KCNIP4: variants seen among roughly 807,000 people sequenced by gnomAD.
The protein encoded by KCNIP4 is Kv channel-interacting protein 4.
Under a neutral mutation model 34.0 loss-of-function variants are expected in KCNIP4, and 12 were observed. That is an observed-to-expected ratio of 0.35 (90% CI 0.23 to 0.57). KCNIP4 has a LOEUF of 0.57. Ranked by LOEUF, KCNIP4 falls within the 20% of genes least tolerant of loss-of-function variation. The probability of loss-of-function intolerance (pLI) is 0.83; values close to 1 mark genes in which losing one functional copy is unlikely to be tolerated. For missense variants in KCNIP4, 238 were observed against 311.7 expected, an observed-to-expected ratio of 0.76 and a Z score of 1.78; for synonymous variants, 124 against 102.2, an observed-to-expected ratio of 1.21 and a Z score of -1.29.
intron 1 of KCNIP4, among the ~76,000 whole-genome samples, chr4:21,571,890 T>C (rs1179798706): frequency 6.6e-6 from 1 of 152,200 alleles, no homozygotes; most frequent in Non-Finnish European, 1.5e-5. Context: ...TTTGCTTACA[T>C]TAATACCCCA....
chr4:21,193,624 T>G (rs1340353020), intron 1 of KCNIP4, among the ~76,000 whole-genome samples: 1 of 146,442 alleles, frequency 6.8e-6, no homozygotes, highest in Admixed American at 6.9e-5. Context: ...CAGGCTGGAG[T>G]GCAGTGGCGC....
chr4:21,367,256 C>T (rs1425922375), intron 1 of KCNIP4, among the ~76,000 whole-genome samples: 1 of 152,140 alleles, frequency 6.6e-6, no homozygotes, highest in Non-Finnish European at 1.5e-5. Flanking sequence ...AAGACAAAAT[C>T]TTACTTTACC....
At chr4:21,763,163 A>T in intron 1 of KCNIP4, 2 of 1,200,210 alleles carry the variant, frequency 1.7e-6, no homozygotes, top group Middle Eastern at 4.5e-4. Context: ...CACAAACAAA[A>T]TGTGAAGAAC....
chr4:21,618,149 G>A (rs1577701296), intron 1 of KCNIP4, among the ~76,000 whole-genome samples: 1 of 152,124 alleles, frequency 6.6e-6, no homozygotes, highest in African/African-American at 2.4e-5. Flanking sequence ...CATCAGTTCA[G>A]TTTGCTGTGG....
chr4:21,355,155 T>C (rs1349110046), intron 1 of KCNIP4, among the ~76,000 whole-genome samples: 3 of 152,190 alleles, frequency 2.0e-5, no homozygotes, highest in Non-Finnish European at 2.9e-5. Context: ...TAAAGCAGTG[T>C]GTAGAGGGAA....
At chr4:21,813,513 GACTA>G (rs1336996597) in intron 1 of KCNIP4, among the ~76,000 whole-genome samples, 5 of 152,076 alleles carry the variant, frequency 3.3e-5, no homozygotes, top group African/African-American at 1.2e-4. Context: ...GCCCAATGGT[GACTA>G]ACTTTGAAGT....
intron 1 of KCNIP4, among the ~76,000 whole-genome samples, chr4:21,748,915 A>G (rs1716961297): frequency 2.6e-5 from 4 of 152,156 alleles, no homozygotes; most frequent in Admixed American, 2.6e-4. Context: ...GGGTGGCATC[A>G]AAGGCAAGAA....
intron 1 of KCNIP4, among the ~76,000 whole-genome samples, chr4:21,870,513 C>T (rs11728540): frequency 6.6e-6 from 1 of 152,184 alleles, no homozygotes. Flanking sequence ...CATGTAGATG[C>T]TAAGCAAATG....
intron 1 of KCNIP4, among the ~76,000 whole-genome samples, chr4:21,684,226 T>C (rs1750638900): frequency 6.6e-6 from 1 of 152,198 alleles, no homozygotes; most frequent in Admixed American, 6.5e-5. Context: ...TGTACCTGAA[T>C]TCTTATGCGT....
intron 1 of KCNIP4, among the ~76,000 whole-genome samples, chr4:21,539,847 C>T (rs1252275761): frequency 1.3e-5 from 2 of 151,872 alleles, no homozygotes; most frequent in East Asian, 3.9e-4. Flanking sequence ...GGCATGGTGG[C>T]GGGCACCTGT....
At chr4:21,109,692 A>G (rs9715736) in intron 1 of KCNIP4, among the ~76,000 whole-genome samples, 65,406 of 151,298 alleles carry the variant, frequency 0.43, 14,673 homozygotes, top group African/African-American at 0.57. Flanking sequence ...CGTCTTCTGC[A>G]TGACTCACGC....
At chr4:20,871,558 T>C (rs1477422426) in intron 2 of KCNIP4, among the ~76,000 whole-genome samples, 1 of 152,102 alleles carries the variant, frequency 6.6e-6, no homozygotes, top group South Asian at 2.1e-4. Context: ...TTTCTAAGAA[T>C]TACTTTTCCT....
intron 5 of KCNIP4, among the ~76,000 whole-genome samples, chr4:20,739,698 G>A (rs779978354): frequency 2.6e-5 from 4 of 151,866 alleles, no homozygotes; most frequent in African/African-American, 4.8e-5. Context: ...CCAAAGGAAC[G>A]CACCTCCTCG....
chr4:21,833,313 G>C (rs1723110833), intron 1 of KCNIP4, among the ~76,000 whole-genome samples: 3 of 152,074 alleles, frequency 2.0e-5, no homozygotes. Context: ...TCTCATTGTG[G>C]TTTTGATTTG....
intron 1 of KCNIP4, among the ~76,000 whole-genome samples, chr4:21,537,943 C>T (rs565595740): frequency 2.4e-4 from 30 of 125,982 alleles, no homozygotes; most frequent in African/African-American, 7.3e-4. Context: ...ACCAGGGAGG[C>T]GGAGGTTGAA....
intron 3 of KCNIP4, among the ~76,000 whole-genome samples, chr4:20,824,182 G>A (rs1186374947): frequency 5.9e-5 from 9 of 152,190 alleles, no homozygotes; most frequent in Non-Finnish European, 1.2e-4. Flanking sequence ...CACAAAGACA[G>A]CATTATGCCA....
intron 3 of KCNIP4, among the ~76,000 whole-genome samples, chr4:20,845,411 C>A (rs75017153): frequency 0.017 from 2,649 of 152,244 alleles, 70 homozygotes; most frequent in African/African-American, 0.057. Context: ...CACCTTGCAA[C>A]CTTCTTCCCC....
At chr4:20,790,971 C>A (rs1361587039) in intron 3 of KCNIP4, among the ~76,000 whole-genome samples, 2 of 152,070 alleles carry the variant, frequency 1.3e-5, no homozygotes, top group African/African-American at 4.8e-5. Context: ...TAAGGAGGGA[C>A]AAGAACTTGC....
chr4:21,720,856 T>G (rs999864162), intron 1 of KCNIP4, among the ~76,000 whole-genome samples: 8 of 152,120 alleles, frequency 5.3e-5, no homozygotes, highest in African/African-American at 1.9e-4. Context: ...ACTAGTCCTT[T>G]ATTATGGCTG....
Sources: allele counts gnomAD v4.1 joint callset (sites outside exome capture counted in the v4.1 genomes callset), GRCh38; gene constraint gnomAD v4.1.1; transcripts MANE v1.5; gene names NCBI Gene and HGNC (gene_info 2026-07-23, HGNC 2026-07-21).